The following SEMA6D variants were observed in gnomAD, a reference collection of about 807,000 sequenced individuals.
The protein encoded by SEMA6D is semaphorin-6D.
In SEMA6D, 35 loss-of-function variants were observed where a neutral mutation model predicts 106.6. The observed-to-expected ratio is 0.33, with a 90% CI of 0.25 to 0.44. The LOEUF (loss-of-function observed/expected upper bound fraction) is 0.44. SEMA6D is among the 20% of genes least tolerant of loss of function. The pLI is 1.00. For missense variants in SEMA6D, 1,185 were observed against 1,345.9 expected, an observed-to-expected ratio of 0.88 and a Z score of 1.87; for synonymous variants, 499 against 487.7, an observed-to-expected ratio of 1.02 and a Z score of -0.31.
intron 1 of SEMA6D, among the ~76,000 whole-genome samples, chr15:47,732,013 G>C (rs1281518927): frequency 6.6e-6 from 1 of 152,150 alleles, no homozygotes; most frequent in Non-Finnish European, 1.5e-5. Flanking sequence ...AGACCTCCGA[G>C]TCTAGTTTCC....
chr15:47,674,102 T>C (rs1422567605), intron 4 of SEMA6D, among the ~76,000 whole-genome samples: 1 of 152,170 alleles, frequency 6.6e-6, no homozygotes, highest in Admixed American at 6.5e-5. Flanking sequence ...AAACCAGCAC[T>C]GGCTCCTGGG....
At chr15:47,376,669 G>A (rs915097982) in intron 1 of SEMA6D, among the ~76,000 whole-genome samples, 2 of 152,314 alleles carry the variant, frequency 1.3e-5, no homozygotes, top group African/African-American at 2.4e-5. Context: ...CCCAGACAAT[G>A]GGAAGCTGGG....
Position 47,771,048 on chromosome 15 carries a change from G to C in SEMA6D, c.2485G>C (p.Val829Leu), listed in dbSNP as rs2082602108. ...TCATGGGCATATCCCCAGTGCCATT[G>C]TTCTTCCAAATGCTACCCATGACTA... ...LSHGHIPSAI[V>L]LPNATHDYNT... The change falls in exon 19 of 19, where the codon GTT becomes CTT. Residue 829 changes from valine (V) to leucine (L), a missense_variant. Transcript: ENST00000536845. 1 of 1,614,038 alleles carries C rather than the reference G, an allele frequency of 6.2e-7. No homozygotes were observed. The highest frequency in any genetic ancestry group is 1.3e-5 in the African/African-American group (1 of 74,936).
intron 1 of SEMA6D, among the ~76,000 whole-genome samples, chr15:47,387,205 A>G (rs1046604573): frequency 2.6e-5 from 4 of 152,222 alleles, no homozygotes; most frequent in Non-Finnish European, 4.4e-5. Flanking sequence ...GCATATCCCT[A>G]TCTGATAATT....
intron 9 of SEMA6D, among the ~76,000 whole-genome samples, chr15:47,763,469 T>TCACA (rs2082172343): frequency 6.6e-6 from 1 of 152,152 alleles, no homozygotes; most frequent in Non-Finnish European, 1.5e-5. Flanking sequence ...CCCATTCAAT[T>TCACA]TTTAGTGTTT....
chr15:47,700,215 T>G (rs2078781492), intron 4 of SEMA6D, among the ~76,000 whole-genome samples: 1 of 152,212 alleles, frequency 6.6e-6, no homozygotes, highest in Admixed American at 6.5e-5. Context: ...CAAATTGATC[T>G]ATAGTTTCAA....
intron 1 of SEMA6D, among the ~76,000 whole-genome samples, chr15:47,189,001 T>C (rs1006688224): frequency 6.6e-6 from 1 of 152,166 alleles, no homozygotes; most frequent in Non-Finnish European, 1.5e-5. Flanking sequence ...AAAAACACTA[T>C]TATAGCACCA....
Position 47,583,541 on chromosome 15 carries a change from A to G in SEMA6D, c.-86-17324A>G, listed in dbSNP as rs992281464. Among the ~76,000 whole-genome samples, 4 of 152,124 alleles carry G rather than the reference A, an allele frequency of 2.6e-5. No homozygotes were observed. The East Asian group carries it at 7.7e-4, about 29-fold the overall frequency. ...AACAGGCGGTCTCCAGGAGCCACGT[A>G]TTTTATCAGGATTGCGTCCTTTGTG... On this transcript the variant is annotated intron_variant, in intron 3 of 19. Transcript: ENST00000558014.
chr15:47,584,277 G>T (rs1383951295), intron 3 of SEMA6D, among the ~76,000 whole-genome samples: 2 of 152,134 alleles, frequency 1.3e-5, no homozygotes, highest in Non-Finnish European at 2.9e-5. Flanking sequence ...GCAAAAATTA[G>T]CCAGGCATGG....
At chr15:47,589,668 A>G (rs945801376) in intron 3 of SEMA6D, among the ~76,000 whole-genome samples, 2 of 152,322 alleles carry the variant, frequency 1.3e-5, no homozygotes, top group East Asian at 1.9e-4. Context: ...GGTCATTTCA[A>G]TGGACTTTAG....
chr15:47,354,334 T>C lies in SEMA6D; in HGVS notation c.-238-58059T>C, dbSNP rs2038470703. 2.0e-5 allele frequency among the ~76,000 whole-genome samples: 3 copies of C among 147,462 alleles called. No individual in the cohort carries two copies. The Admixed American group carries it at 2.1e-4, about 10-fold the overall frequency. On this transcript the variant is annotated intron_variant, in intron 1 of 19. Transcript: ENST00000558014. ...ATATATATATACACACATGCATATATATGGAATGAAAGAGCTTATATATGG... is the reference window on the plus strand; with the variant it reads ...ATATATATATACACACATGCATATACATGGAATGAAAGAGCTTATATATGG...
chr15:47,613,711 T>G (rs1448859375), intron 4 of SEMA6D, among the ~76,000 whole-genome samples: 2 of 152,096 alleles, frequency 1.3e-5, no homozygotes, highest in African/African-American at 4.8e-5. Flanking sequence ...TGGAGTGTGG[T>G]GGCGCGATCT....
intron 4 of SEMA6D, among the ~76,000 whole-genome samples, chr15:47,608,562 C>T (rs1006591831): frequency 1.3e-5 from 2 of 152,136 alleles, no homozygotes; most frequent in Non-Finnish European, 2.9e-5. Flanking sequence ...AATTTCTCTT[C>T]CCAGTTAAAG....
intron 3 of SEMA6D, among the ~76,000 whole-genome samples, chr15:47,554,987 C>A (rs2045875043): frequency 6.6e-6 from 1 of 152,146 alleles, no homozygotes. Flanking sequence ...TCTTTGCATG[C>A]CGTAAGTAGG....
At chr15:47,311,539 G>A (rs1345585985) in intron 1 of SEMA6D, among the ~76,000 whole-genome samples, 4 of 152,000 alleles carry the variant, frequency 2.6e-5, no homozygotes, top group Non-Finnish European at 5.9e-5. Flanking sequence ...AGGTCATTTT[G>A]TAGATTAGCA....
chr15:47,446,227 C>T (rs1320113758), intron 2 of SEMA6D, among the ~76,000 whole-genome samples: 2 of 152,054 alleles, frequency 1.3e-5, no homozygotes, highest in African/African-American at 4.8e-5. Context: ...ATGATCACTT[C>T]TAAAAGAAGA....
rs922567936 is a variant in SEMA6D at position 47,185,945 on chromosome 15, AATT to A, written c.-239+1532_-239+1534del. 8.0e-4 allele frequency among the ~76,000 whole-genome samples: 121 copies of A among 152,196 alleles called. 1 individual carries two copies. Among genetic ancestry groups the A allele is most frequent in the African/African-American group, 2.9e-3 (119 of 41,536 alleles). On this transcript the variant is annotated intron_variant, in intron 1 of 19. Coordinates refer to the SEMA6D transcript ENST00000558014. ...TTCAGAATAAGCTCTTGACAAGAGA[AATT>A]ATTAAATTATTATGATTTCTTATAT... is the stretch of plus-strand genomic sequence containing the variant.
At chr15:47,679,641 A>G (rs2078311562) in intron 4 of SEMA6D, among the ~76,000 whole-genome samples, 2 of 152,142 alleles carry the variant, frequency 1.3e-5, no homozygotes, top group African/African-American at 4.8e-5. Flanking sequence ...ACTGTTCCCC[A>G]AAGTGCTTCA....
intron 4 of SEMA6D, among the ~76,000 whole-genome samples, chr15:47,648,479 AGAATGAATGAAT>A (rs112820950): frequency 2.6e-5 from 4 of 150,944 alleles, no homozygotes; most frequent in Admixed American, 6.6e-5. Context: ...ACTGGGTTGG[AGAATGAATGAAT>A]GAATGAATGA....
Sources: gnomAD v4.1 joint callset for allele counts (sites outside exome capture counted in the v4.1 genomes callset) on GRCh38, gnomAD v4.1.1 for gene constraint, MANE v1.5 for transcripts, NCBI Gene and HGNC (gene_info 2026-07-23, HGNC 2026-07-21) for gene names.